Variants in CPQ observed in about 807,000 individuals in gnomAD.
CPQ encodes Ser-Met dipeptidase.
CPQ carries 37 observed loss-of-function variants against 45.7 expected under a neutral mutation model. The observed-to-expected ratio is 0.81, with a 90% confidence interval of 0.62 to 1.07. The LOEUF is 1.07. Ranked by LOEUF, CPQ falls within the 50% of genes least tolerant of loss-of-function variation. CPQ has a pLI of 0.00. For synonymous variants in CPQ, 186 were observed against 205.8 expected (o/e 0.90, Z 0.82); for missense variants, 537 against 572.9 (o/e 0.94, Z 0.64).
At chr8:96,888,345 T>C (rs1245478330) in intron 4 of CPQ, among the ~76,000 whole-genome samples, 1 of 152,146 alleles carries the variant, frequency 6.6e-6, no homozygotes, top group Non-Finnish European at 1.5e-5. Flanking sequence ...ATCCTTCATC[T>C]ATAGAAGGAG....
intron 1 of CPQ, among the ~76,000 whole-genome samples, chr8:96,700,629 T>C (rs1301422811): frequency 6.6e-6 from 1 of 152,182 alleles, no homozygotes; most frequent in African/African-American, 2.4e-5. Flanking sequence ...CAGACCTAGC[T>C]AGAAGGGAAC....
chr8:96,955,242 C>T (rs1263924369), intron 4 of CPQ, among the ~76,000 whole-genome samples: 1 of 152,180 alleles, frequency 6.6e-6, no homozygotes, highest in Non-Finnish European at 1.5e-5. Context: ...TCTTTCTCCA[C>T]ATCCTCTCCA....
intron 5 of CPQ, among the ~76,000 whole-genome samples, chr8:97,028,464 G>A (rs1809837637): frequency 6.6e-6 from 1 of 152,244 alleles, no homozygotes; most frequent in Non-Finnish European, 1.5e-5. Context: ...TCCCCATGAG[G>A]AGGTGGGAAA....
chr8:96,975,292 A>G (rs532510685), intron 5 of CPQ, among the ~76,000 whole-genome samples: 18 of 147,158 alleles, frequency 1.2e-4, no homozygotes, highest in Admixed American at 1.0e-3. Context: ...AGATTAAACC[A>G]AGAAGATACA....
chr8:97,069,308 G>A (rs533742641), intron 7 of CPQ, among the ~76,000 whole-genome samples: 25 of 151,858 alleles, frequency 1.6e-4, no homozygotes, highest in Non-Finnish European at 3.2e-4. Context: ...AATGGTACTG[G>A]TTATAACTCT....
chr8:96,838,275 G>A (rs963661709), intron 3 of CPQ, among the ~76,000 whole-genome samples: 3 of 152,162 alleles, frequency 2.0e-5, no homozygotes, highest in African/African-American at 7.2e-5. Flanking sequence ...CACAATAGGA[G>A]TCTTTTGCAT....
At chr8:96,910,696 G>A (rs1812648455) in intron 4 of CPQ, among the ~76,000 whole-genome samples, 1 of 152,102 alleles carries the variant, frequency 6.6e-6, no homozygotes, top group South Asian at 2.1e-4. Context: ...AGTAGAGACG[G>A]GGTTTCACCG....
intron 2 of CPQ, among the ~76,000 whole-genome samples, chr8:96,805,196 A>C (rs1415452156): frequency 2.6e-5 from 4 of 152,254 alleles, no homozygotes; most frequent in African/African-American, 9.6e-5. Context: ...AGAAAAGCAC[A>C]ATTAGGAAAA....
At chr8:96,693,903 T>A (rs1809337075) in intron 1 of CPQ, among the ~76,000 whole-genome samples, 1 of 152,134 alleles carries the variant, frequency 6.6e-6, no homozygotes, top group African/African-American at 2.4e-5. Flanking sequence ...AATAATAAAC[T>A]GCAACTCTTC....
At chr8:96,685,230 T>A (rs1313540033) in intron 1 of CPQ, among the ~76,000 whole-genome samples, 1 of 152,200 alleles carries the variant, frequency 6.6e-6, no homozygotes, top group East Asian at 1.9e-4. Context: ...GAAATACTTT[T>A]TATTTCTATT....
intron 3 of CPQ, among the ~76,000 whole-genome samples, chr8:96,839,527 G>A (rs1366982703): frequency 5.3e-5 from 8 of 152,094 alleles, no homozygotes; most frequent in Non-Finnish European, 8.8e-5. Flanking sequence ...CAATTAATTA[G>A]AGATTTAAGT....
chr8:96,811,568 G>A (rs908396935), intron 2 of CPQ, among the ~76,000 whole-genome samples: 1 of 152,016 alleles, frequency 6.6e-6, no homozygotes, highest in Non-Finnish European at 1.5e-5. Context: ...TATTTTGCTG[G>A]TATAGTATAT....
chr8:96,876,992 T>G (rs1035294573), intron 3 of CPQ, among the ~76,000 whole-genome samples: 4 of 152,166 alleles, frequency 2.6e-5, no homozygotes, highest in Non-Finnish European at 5.9e-5. Flanking sequence ...TTGTAAGAAT[T>G]TATAGAGGAT....
At chr8:96,911,653 T>C (rs550519052) in intron 4 of CPQ, among the ~76,000 whole-genome samples, 13 of 152,322 alleles carry the variant, frequency 8.5e-5, no homozygotes, top group African/African-American at 2.6e-4. Context: ...CTATAAAGCT[T>C]CCTGAAAATC....
intron 1 of CPQ, among the ~76,000 whole-genome samples, chr8:96,695,947 A>G (rs1809374540): frequency 6.7e-6 from 1 of 149,356 alleles, no homozygotes; most frequent in Admixed American, 6.6e-5. Flanking sequence ...CTGGGTATAT[A>G]CCCAAAGGAC....
intron 1 of CPQ, among the ~76,000 whole-genome samples, chr8:96,696,980 A>G (rs2130742162): frequency 6.6e-6 from 1 of 152,300 alleles, no homozygotes; most frequent in Non-Finnish European, 1.5e-5. Flanking sequence ...TAGTCCAAAA[A>G]ATAGAGGAGG....
At chr8:96,907,415 G>GC (rs1812593218) in intron 4 of CPQ, among the ~76,000 whole-genome samples, 1 of 152,072 alleles carries the variant, frequency 6.6e-6, no homozygotes, top group Non-Finnish European at 1.5e-5. Flanking sequence ...CCACTAGTGA[G>GC]CTTAAAAACA....
intron 1 of CPQ, among the ~76,000 whole-genome samples, chr8:96,695,386 A>C (rs1809363048): frequency 2.1e-5 from 3 of 146,312 alleles, no homozygotes; most frequent in African/African-American, 7.6e-5. Flanking sequence ...ATGGGCAAGG[A>C]CTTCATGTCT....
At chr8:97,083,478 A>G (rs1047485951) in intron 7 of CPQ, among the ~76,000 whole-genome samples, 3 of 152,204 alleles carry the variant, frequency 2.0e-5, no homozygotes, top group Admixed American at 6.5e-5. Flanking sequence ...ATACTGGTTC[A>G]GTGTCCTTGT....
Sources: gnomAD v4.1 joint callset for allele counts (sites outside exome capture counted in the v4.1 genomes callset) on GRCh38, gnomAD v4.1.1 for gene constraint, MANE v1.5 for transcripts, NCBI Gene and HGNC (gene_info 2026-07-23, HGNC 2026-07-21) for gene names.